The following MGAM variants were observed in gnomAD, a reference collection of about 807,000 sequenced individuals.
MGAM encodes maltase-glucoamylase, also known as alpha-1,4-glucosidase.
A neutral mutation model predicts 358.8 loss-of-function variants in MGAM; 253 were observed. The ratio of observed to expected loss-of-function variants is 0.71; its 90% CI spans 0.64 to 0.78. The LOEUF is 0.78. Among genes scored for constraint, MGAM ranks in the 30% least tolerant of loss-of-function variants. MGAM has a pLI of 0.00. For missense variants in MGAM, 3,080 were observed against 3,432.6 expected (o/e 0.90, Z 2.57); for synonymous variants, 1,105 against 1,227.1 (o/e 0.90, Z 2.08).
At chr7:141,987,965 T>C (rs1554446534) in intron 2 of MGAM, among the ~76,000 whole-genome samples, 1 of 152,126 alleles carries the variant, frequency 6.6e-6, no homozygotes, top group Non-Finnish European at 1.5e-5. Flanking sequence ...TCTTAAAGGA[T>C]TGTTGTGATC....
Position 142,036,255 on chromosome 7 carries a change from T to C in MGAM, c.2046T>C (p.Phe682=). 6.2e-7 allele frequency: 1 copy of C among 1,610,210 alleles called. No individual in the cohort carries two copies. Among genetic ancestry groups the C allele is most frequent in the Non-Finnish European group, 8.5e-7 (1 of 1,178,252 alleles). The change falls in exon 17 of 71, where the codon TTT becomes TTC. Residue 682 remains phenylalanine (F), a synonymous_variant. Coordinates refer to ENST00000475668, the MANE Select transcript of MGAM (RefSeq NM_001365693.1). ...TGCAGTTGGGTGCATTTTATCCGTTTTCTAGAAATCACAATGGCCAAGGCT... is the reference window on the plus strand; with the variant it reads ...TGCAGTTGGGTGCATTTTATCCGTTCTCTAGAAATCACAATGGCCAAGGCT... ...RWMQLGAFYP[F]SRNHNGQGYK... is the part of the protein sequence containing the mutation.
chr7:142,034,350 T>G lies in MGAM; in HGVS notation c.1758T>G (p.Tyr586Ter). 1 of 1,592,356 alleles carries G rather than the reference T, an allele frequency of 6.3e-7. No homozygotes were observed. Among genetic ancestry groups the G allele is most frequent in the Non-Finnish European group, 8.6e-7 (1 of 1,168,884 alleles). ...AGCAGTATGACATTCACAATCTGTA[T>G]GGCTACTCCATGGCGGTCGCCACAG... is the stretch of plus-strand genomic sequence containing the variant. The part of the protein sequence containing the change: ...WGKQYDIHNL[Y>*]GYSMAVATAE... Residue 586 changes from tyrosine (Y) to a stop codon, truncating the protein, a stop_gained, in exon 15 of 71, where the codon TAT (tyrosine) becomes TAG (stop). Coordinates refer to ENST00000475668, the MANE Select transcript of MGAM (RefSeq NM_001365693.1). LOFTEE classifies it high-confidence loss of function.
In MGAM at chr7:142,071,132, C is replaced by T; in HGVS notation, c.5186+14C>T. ...CACCCACTTAAGGTGAATGACAGGA[C>T]TCAGGTTTTCCTTTACATTTCAGTT... On this transcript the variant is annotated intron_variant, in intron 44 of 70. Transcript: ENST00000475668. 1 of 1,544,346 alleles carries T rather than the reference C, an allele frequency of 6.5e-7. No homozygotes were observed. The highest frequency in any genetic ancestry group is 1.7e-4 in the Middle Eastern group (1 of 5,896).
intron 10 of MGAM, among the ~76,000 whole-genome samples, chr7:142,028,003 A>G (rs1807130320): frequency 1.3e-5 from 2 of 151,994 alleles, no homozygotes; most frequent in African/African-American, 2.4e-5. Flanking sequence ...TTTTCTTATT[A>G]TGTATTTTAT....
chr7:142,101,547 A>G (rs1404934007), intron 68 of MGAM, among the ~76,000 whole-genome samples: 2 of 152,030 alleles, frequency 1.3e-5, no homozygotes, highest in East Asian at 1.9e-4. Context: ...AGTGACTGCT[A>G]TCTTAGACAG....
chr7:141,994,448 C>T (rs141926590), upstream of MGAM, among the ~76,000 whole-genome samples: 62 of 152,240 alleles, frequency 4.1e-4, no homozygotes, highest in East Asian at 0.011. Flanking sequence ...CACAGGAGCA[C>T]CTAAAACTGT....
At chr7:142,090,201 C>T (rs4559156) in intron 57 of MGAM, among the ~76,000 whole-genome samples, 52,432 of 144,620 alleles carry the variant, frequency 0.36, 14,228 homozygotes, top group Middle Eastern at 0.55. Flanking sequence ...CGTTGGAGAA[C>T]GGCAGAACAT....
chr7:142,053,028 G>C, intron 26 of MGAM, 44 bp downstream of exon 26: 1 of 1,587,398 alleles, frequency 6.3e-7, no homozygotes, highest in Non-Finnish European at 8.6e-7. Context: ...ACCCTTTTCA[G>C]TTCCATTACC....
chr7:142,097,615 A>G lies in MGAM; in HGVS notation c.7715A>G (p.Tyr2572Cys), dbSNP rs1169792735. ...LERNARNVTAYFPRARWYDYY... is the reference protein window; with the variant it reads ...LERNARNVTACFPRARWYDYY... ...TAGAATGCCAGAAATGTCACTGCAT[A>G]TTTCCCTAGAGCCCGCTGGTATGAT... is the stretch of plus-strand genomic sequence containing the variant. Residue 2572 changes from tyrosine to cysteine, a missense_variant, in exon 66 of 71, where the codon TAT becomes TGT. By Grantham distance (194) the Tyr-to-Cys change is radical. Coordinates refer to ENST00000475668, the MANE Select transcript of MGAM (RefSeq NM_001365693.1). 2.5e-6 allele frequency: 4 copies of G among 1,612,668 alleles called. No individual in the cohort carries two copies. Among genetic ancestry groups the G allele is most frequent in the Admixed American group, 1.7e-5 (1 of 60,010 alleles).
intron 20 of MGAM, 168 bp from the exon 21 acceptor site, chr7:142,040,554 A>T (rs753624013): frequency 2.6e-4 from 224 of 857,876 alleles, no homozygotes; most frequent in Non-Finnish European, 3.8e-4. Context: ...AACTGGTAGC[A>T]GAACATGTTA....
Position 142,094,666 on chromosome 7 carries a change from T to C in MGAM, c.7341+12T>C. 1.2e-6 allele frequency: 2 copies of C among 1,612,156 alleles called. No homozygotes were observed. Among genetic ancestry groups the C allele is most frequent in the Non-Finnish European group, 1.7e-6 (2 of 1,179,246 alleles). ...TCGGCATATCCTATGTGAGTGTCCTTGGGATCCTCCTAAGCACCAAGAAGG... is the reference window on the plus strand; with the variant it reads ...TCGGCATATCCTATGTGAGTGTCCTCGGGATCCTCCTAAGCACCAAGAAGG... On this transcript the variant is annotated intron_variant, in intron 62 of 70. Coordinates refer to ENST00000475668, the MANE Select transcript of MGAM (RefSeq NM_001365693.1).
At position 142,019,268 on chromosome 7, in the gene MGAM, T is replaced by G. The variant is rs1806219471; in HGVS notation, c.397T>G (p.Ser133Ala). 6.2e-7 allele frequency: 1 copy of G among 1,613,542 alleles called. No individual in the cohort carries two copies. Among genetic ancestry groups the G allele is most frequent in the African/African-American group, 1.3e-5 (1 of 74,898 alleles). Residue 133 changes from serine (S) to alanine (A), a missense_variant, in exon 4 of 71, where the codon TCC becomes GCC. Transcript: ENST00000475668. The stretch of plus-strand genomic sequence containing the variant: ...TGTAAGTGTTCCCTGGTGCTACTAT[T>G]CCAAGAATCATAGCTACCATGTAGA... ...GAVSVPWCYY[S>A]KNHSYHVEGN...
chr7:142,009,884 A>G (rs1253168948), intron 3 of MGAM, among the ~76,000 whole-genome samples: 1 of 152,164 alleles, frequency 6.6e-6, no homozygotes, highest in Non-Finnish European at 1.5e-5. Flanking sequence ...ATGTGTTTGT[A>G]TGGTGTTCAC....
chr7:141,992,281 G>A (rs1803980852), upstream of MGAM, among the ~76,000 whole-genome samples: 1 of 152,144 alleles, frequency 6.6e-6, no homozygotes, highest in South Asian at 2.1e-4. Context: ...AGACTTAGTT[G>A]CTTAAGCTCC....
chr7:142,025,176 A>G lies in MGAM; in HGVS notation c.982+27A>G, dbSNP rs2272328. On this transcript the variant is annotated intron_variant, in intron 8 of 70. Coordinates refer to ENST00000475668, the MANE Select transcript of MGAM (RefSeq NM_001365693.1). ...TAAAGGAATATTCATGGAAAAAACA[A>G]GCACAAGAGTGATTTTCAGTCCCTT... is the stretch of plus-strand genomic sequence containing the variant. 4.4e-5 allele frequency: 66 copies of G among 1,516,996 alleles called. 1 individual carries two copies. In the East Asian group the frequency reaches 1.5e-3, roughly 34 times the overall value. 94.0% of individuals were successfully genotyped at this position (1,516,996 alleles called of 1,614,324 possible). A position where few individuals can be genotyped will look rare whatever the true frequency, so the allele number is the denominator to read the frequency against.
intron 57 of MGAM, among the ~76,000 whole-genome samples, chr7:142,088,580 T>C (rs540253988): frequency 8.5e-6 from 1 of 117,816 alleles, no homozygotes; most frequent in African/African-American, 3.2e-5. Context: ...ATCTATCATC[T>C]ACCTCATCTA....
At chr7:142,062,511 C>T (rs1812312242) in intron 34 of MGAM, 57 bp from the exon 35 acceptor site, 1 of 1,529,020 alleles carries the variant, frequency 6.5e-7, no homozygotes, top group Non-Finnish European at 8.8e-7. Flanking sequence ...CAGTAAGTGC[C>T]TGTTTGCTGT....
intron 26 of MGAM, 136 bp from the exon 27 acceptor site, chr7:142,054,618 T>G: frequency 4.0e-6 from 4 of 988,362 alleles, no homozygotes; most frequent in Non-Finnish European, 5.9e-6. Flanking sequence ...TCTGATATAT[T>G]AATTAAATCT....
intron 49 of MGAM, among the ~76,000 whole-genome samples, chr7:142,080,041 G>A (rs898075218): frequency 8.2e-5 from 12 of 146,402 alleles, no homozygotes; most frequent in African/African-American, 2.2e-4. Flanking sequence ...CTCTGCCTTC[G>A]TGGTTGTTAT....
Sources: allele counts gnomAD v4.1 joint callset (sites outside exome capture counted in the v4.1 genomes callset), GRCh38; gene constraint gnomAD v4.1.1; transcripts MANE v1.5; gene names NCBI Gene and HGNC (gene_info 2026-07-23, HGNC 2026-07-21).